SLC36A4: variants seen among roughly 807,000 people sequenced by gnomAD.
The protein encoded by SLC36A4 is neutral amino acid uniporter 4.
Under a neutral mutation model 50.5 loss-of-function variants are expected in SLC36A4, and 49 were observed. The ratio of observed to expected loss-of-function variants is 0.97; its 90% CI spans 0.77 to 1.23. SLC36A4 has a LOEUF of 1.23. Among genes scored for constraint, SLC36A4 ranks in the 50% most tolerant of loss-of-function variants. SLC36A4 has a pLI of 0.00. For missense variants in SLC36A4, 611 were observed against 608.4 expected (o/e 1.00, Z -0.05); for synonymous variants, 207 against 206.5 (o/e 1.00, Z -0.02).
intron 1 of SLC36A4, 104 bp from the exon 2 acceptor site, chr11:93,185,918 T>C: frequency 1.0e-6 from 1 of 1,001,766 alleles, no homozygotes; most frequent in Non-Finnish European, 1.4e-6. Context: ...TGTACTCATC[T>C]TTACTATTTC....
At position 93,145,272 on chromosome 11, in the gene SLC36A4, G is replaced by A. The variant is rs1203896328; in HGVS notation, c.*3265C>T. The A allele has an allele frequency of 1.3e-5, 2 of 151,982 alleles. No homozygotes were observed. Among genetic ancestry groups the A allele is most frequent in the Non-Finnish European group, 2.9e-5 (2 of 67,964 alleles). The allele number at this position is 151,982 out of a possible 1,614,324, so 9.4% of individuals were successfully genotyped here. On this transcript the variant is annotated 3_prime_UTR_variant, in exon 11 of 11. Transcript: ENST00000326402. Reference sequence around the variant, plus strand: ...CAAAACATGCACATTGACATACAACGCTTGTAAATATGTAAGTGCATTTTC... The same window carrying A: ...CAAAACATGCACATTGACATACAACACTTGTAAATATGTAAGTGCATTTTC...
intron 6 of SLC36A4, among the ~76,000 whole-genome samples, chr11:93,177,802 T>A (rs1345633929): frequency 3.9e-5 from 6 of 152,188 alleles, no homozygotes; most frequent in Admixed American, 6.5e-5. Flanking sequence ...CGTCTCCCAG[T>A]TAGGCTACTC....
At chr11:93,152,166 G>A (rs897370238) in intron 10 of SLC36A4, 1 of 152,078 alleles carries the variant, frequency 6.6e-6, no homozygotes, top group African/African-American at 2.4e-5. Flanking sequence ...AAAGGATTAT[G>A]GAACATTGAA....
chr11:93,155,758 G>A (rs528604667), intron 9 of SLC36A4, among the ~76,000 whole-genome samples: 2 of 152,156 alleles, frequency 1.3e-5, no homozygotes, highest in African/African-American at 4.8e-5. Context: ...GCCCCAGTGT[G>A]TGTTGTTCCC....
chr11:93,169,854 A>G (rs570024685), intron 6 of SLC36A4, among the ~76,000 whole-genome samples: 25 of 152,258 alleles, frequency 1.6e-4, no homozygotes, highest in African/African-American at 6.0e-4. Context: ...CTTAGAGCCA[A>G]ATACTTCTTA....
intron 8 of SLC36A4, among the ~76,000 whole-genome samples, chr11:93,164,197 T>C (rs1860760714): frequency 6.6e-6 from 1 of 152,204 alleles, no homozygotes; most frequent in Non-Finnish European, 1.5e-5. Context: ...TATGCATGTA[T>C]ACTAACCCAT....
At position 93,173,105 on chromosome 11, in the gene SLC36A4, CTGT is replaced by C. The variant is rs1185488158; in HGVS notation, c.541-4937_541-4935del. On this transcript the variant is annotated intron_variant, in intron 6 of 10. Coordinates refer to ENST00000326402, the MANE Select transcript of SLC36A4 (RefSeq NM_152313.4). ...TATTTCTCCACATCCTCTCCAGCAC[CTGT>C]TGTTTCCTGACTTTTTAATGATTGC... Among the ~76,000 whole-genome samples, 821 of 121,692 alleles carry C rather than the reference CTGT, an allele frequency of 6.7e-3. 2 individuals carry two copies. The highest frequency in any genetic ancestry group is 0.025 in the African/African-American group (794 of 32,306). 79.8% of individuals were successfully genotyped at this position (121,692 alleles called of 152,430 possible).
chr11:93,187,535 T>C (rs1198089718), intron 1 of SLC36A4, among the ~76,000 whole-genome samples: 1 of 152,222 alleles, frequency 6.6e-6, no homozygotes, highest in Non-Finnish European at 1.5e-5. Flanking sequence ...CTTTACCTCA[T>C]TCTCATTCAT....
chr11:93,176,556 C>T (rs540841007), intron 6 of SLC36A4, among the ~76,000 whole-genome samples: 3,067 of 151,842 alleles, frequency 0.02, 316 homozygotes, highest in Admixed American at 0.18. Flanking sequence ...ATGGTCTTTA[C>T]ATTTTGGCAT....
Position 93,145,422 on chromosome 11 carries a change from C to T in SLC36A4, c.*3115G>A, listed in dbSNP as rs1859828826. 6.6e-6 allele frequency: 1 copy of T among 151,864 alleles called. No individual in the cohort carries two copies. The highest frequency in any genetic ancestry group is 2.4e-5 in the African/African-American group (1 of 41,344). 9.4% of individuals were successfully genotyped at this position (151,864 alleles called of 1,614,324 possible). A position where few individuals can be genotyped will look rare whatever the true frequency, so the allele number is the denominator to read the frequency against. Reference sequence around the variant, plus strand: ...AACATCATCTAAACTGGTTTTTAACCAAGAATACGCTGTAGCTCTTATTTT... The same window carrying T: ...AACATCATCTAAACTGGTTTTTAACTAAGAATACGCTGTAGCTCTTATTTT... On this transcript the variant is annotated 3_prime_UTR_variant, in exon 11 of 11. Coordinates refer to ENST00000326402, the MANE Select transcript of SLC36A4 (RefSeq NM_152313.4).
intron 6 of SLC36A4, among the ~76,000 whole-genome samples, chr11:93,178,263 TG>T (rs778855273): frequency 6.6e-6 from 1 of 152,136 alleles, no homozygotes. Context: ...ATTATTAGGG[TG>T]GGAGTGTCCC....
intron 9 of SLC36A4, among the ~76,000 whole-genome samples, chr11:93,158,363 A>T (rs1439014989): frequency 6.6e-6 from 1 of 152,088 alleles, no homozygotes; most frequent in Admixed American, 6.6e-5. Context: ...AACATTTTTT[A>T]AAATAAAAAT....
rs1862496526 is a variant in SLC36A4 at position 93,197,800 on chromosome 11, C to T, written c.33G>A (p.Gly11=). The T allele has an allele frequency of 6.3e-6, 10 of 1,585,968 alleles. No individual in the cohort carries two copies. The highest frequency in any genetic ancestry group is 1.4e-5 in the African/African-American group (1 of 72,942). MEAAATPAAA[G]AARREELDMD... ...GACCTAGCTCCTCGCGCCTCGCCGC[C>T]CCGGCAGCCGCCGGCGTCGCCGCCG... Residue 11 remains glycine (G), a synonymous_variant, in exon 1 of 11, where the codon GGG becomes GGA. Transcript: ENST00000326402.
chr11:93,174,700 G>C (rs1323004635), intron 6 of SLC36A4, among the ~76,000 whole-genome samples: 2 of 140,662 alleles, frequency 1.4e-5, no homozygotes, highest in South Asian at 5.3e-4. Flanking sequence ...CATCTATTGA[G>C]ATAATCATGT....
In SLC36A4 at chr11:93,180,779, C is replaced by T; in HGVS notation, c.540+18G>A. ...CTTTAGAAGAAAATGATTTCACTAA[C>T]TGGAGAAAAATACTCACTTGTTTCA... is the stretch of plus-strand genomic sequence containing the variant. On this transcript the variant is annotated intron_variant, in intron 6 of 10. Transcript: ENST00000326402. 1.9e-6 allele frequency: 3 copies of T among 1,567,354 alleles called. No homozygotes were observed. In the South Asian group the frequency reaches 3.4e-5, roughly 18 times the overall value.
chr11:93,171,865 C>T (rs1861153444), intron 6 of SLC36A4: 1 of 152,148 alleles, frequency 6.6e-6, no homozygotes, highest in African/African-American at 2.4e-5. Context: ...ACAAGTAATG[C>T]TAATGGAAGG....
chr11:93,192,897 C>T (rs1862272003), intron 1 of SLC36A4: 1 of 152,128 alleles, frequency 6.6e-6, no homozygotes, highest in Non-Finnish European at 1.5e-5. Flanking sequence ...ACTTCTATTA[C>T]ATAGGAGTTT....
chr11:93,185,165 GA>G (rs1309862562), intron 2 of SLC36A4: 2 of 152,136 alleles, frequency 1.3e-5, no homozygotes, highest in African/African-American at 4.8e-5. Context: ...AAATGAAAAT[GA>G]AGAGCAAAAA....
intron 6 of SLC36A4, among the ~76,000 whole-genome samples, chr11:93,177,563 C>T (rs1480295575): frequency 6.6e-6 from 1 of 152,108 alleles, no homozygotes; most frequent in Admixed American, 6.6e-5. Context: ...TGTGGATGTC[C>T]TTTCTGTTCG....
Sources: gnomAD v4.1 joint callset for allele counts (sites outside exome capture counted in the v4.1 genomes callset) on GRCh38, gnomAD v4.1.1 for gene constraint, MANE v1.5 for transcripts, NCBI Gene and HGNC (gene_info 2026-07-23, HGNC 2026-07-21) for gene names.